The following URB2 variants were observed in gnomAD, a reference collection of about 807,000 sequenced individuals.
The protein encoded by URB2 is URB2 ribosome biogenesis homolog.
URB2 carries 86 observed loss-of-function variants against 120.9 expected under a neutral mutation model. That is an observed-to-expected ratio of 0.71 (90% confidence interval 0.60 to 0.85). URB2 has a LOEUF of 0.85. Among genes scored for constraint, URB2 ranks in the 40% least tolerant of loss-of-function variants. The pLI is 0.00. For synonymous variants in URB2, 755 were observed against 758.4 expected (o/e 1.00, Z 0.07); for missense variants, 1,765 against 1,836.5 (o/e 0.96, Z 0.71).
At chr1:229,644,463 T>G (rs1240176083) in intron 5 of URB2, among the ~76,000 whole-genome samples, 2 of 152,170 alleles carry the variant, frequency 1.3e-5, no homozygotes, top group South Asian at 2.1e-4. Context: ...ACTCCAGCTG[T>G]GCACTGAAGA....
rs370534738 is a variant in URB2 at position 229,636,769 on chromosome 1, C to T, written c.2156C>T (p.Thr719Met). 80 of 1,611,900 alleles carry T rather than the reference C, an allele frequency of 5.0e-5. No homozygotes were observed. The East Asian group carries it at 1.0e-3, about 21-fold the overall frequency. ...GSGRKSLNQR[T>M]TASWDGQVGM... is the part of the protein sequence containing the mutation. ...GGCAGAAAAAGCTTGAATCAGAGAA[C>T]GACGGCTTCCTGGGATGGCCAAGTT... Residue 719 changes from threonine to methionine, a missense_variant, in exon 4 of 10, where the codon ACG becomes ATG. Transcript: ENST00000258243.
chr1:229,643,987 A>G (rs1430227688), intron 5 of URB2, among the ~76,000 whole-genome samples: 1 of 152,258 alleles, frequency 6.6e-6, no homozygotes, highest in Non-Finnish European at 1.5e-5. Context: ...AAAAAGTTAA[A>G]TTCTGCTCAT....
Position 229,635,970 on chromosome 1 carries a change from A to C in URB2, c.1357A>C (p.Ile453Leu), listed in dbSNP as rs989244915. 1.9e-6 allele frequency: 3 copies of C among 1,614,104 alleles called. No individual in the cohort carries two copies. The highest frequency in any genetic ancestry group is 2.5e-6 in the Non-Finnish European group (3 of 1,180,044). Residue 453 changes from isoleucine (I) to leucine (L), a missense_variant, in exon 4 of 10, where the codon ATT (isoleucine) becomes CTT (leucine). By Grantham distance (5) the Ile-to-Leu change is conservative (BLOSUM62 2). Transcript: ENST00000258243. ...FRTKKAQEAL[I>L]RTVFQTYAKL... ...AACCAAAAAAGCCCAGGAGGCGCTTATTCGTACTGTCTTCCAGACTTATGC... is the reference window on the plus strand; with the variant it reads ...AACCAAAAAAGCCCAGGAGGCGCTTCTTCGTACTGTCTTCCAGACTTATGC...
In URB2 at chr1:229,645,956, T is replaced by G; in HGVS notation, c.3893T>G (p.Val1298Gly). 6.2e-7 allele frequency: 1 copy of G among 1,614,154 alleles called. No individual in the cohort carries two copies. Among genetic ancestry groups the G allele is most frequent in the Non-Finnish European group, 8.5e-7 (1 of 1,179,998 alleles). ...SLLWRACPQI[V>G]TALTLLNREA... is the part of the protein sequence containing the mutation. ...TTGTGGCGTGCGTGTCCCCAGATAGTCACAGCTTTAACAGTGAGTACCCTC... is the reference window on the plus strand; with the variant it reads ...TTGTGGCGTGCGTGTCCCCAGATAGGCACAGCTTTAACAGTGAGTACCCTC... Residue 1298 changes from valine to glycine, a missense_variant, in exon 6 of 10, where the codon GTC becomes GGC. Coordinates refer to ENST00000258243, the MANE Select transcript of URB2 (RefSeq NM_014777.4).
At chr1:229,640,810 A>G (rs1471217571) in intron 4 of URB2, among the ~76,000 whole-genome samples, 2 of 152,048 alleles carry the variant, frequency 1.3e-5, no homozygotes, top group African/African-American at 4.8e-5. Context: ...TTATTGTGTT[A>G]GGGTCTCTTT....
At position 229,636,527 on chromosome 1, in the gene URB2, T is replaced by C. The variant is rs1487298654; in HGVS notation, c.1914T>C (p.Ala638=). 4 of 1,614,112 alleles carry C rather than the reference T, an allele frequency of 2.5e-6. No homozygotes were observed. The highest frequency in any genetic ancestry group is 1.3e-5 in the African/African-American group (1 of 74,940). Residue 638 remains alanine (A), a synonymous_variant, in exon 4 of 10, where the codon GCT becomes GCC. Coordinates refer to ENST00000258243, the MANE Select transcript of URB2 (RefSeq NM_014777.4). ...HSMSGPLIGV[A]LEISNLPSLL... Reference sequence around the variant, plus strand: ...TGTCTGGGCCCCTTATAGGTGTTGCTCTGGAGATCTCGAACCTCCCTTCGT... The same window carrying C: ...TGTCTGGGCCCCTTATAGGTGTTGCCCTGGAGATCTCGAACCTCCCTTCGT...
chr1:229,637,562 T>C lies in URB2; in HGVS notation c.2949T>C (p.Ser983=). 2 of 1,614,224 alleles carry C rather than the reference T, an allele frequency of 1.2e-6. No homozygotes were observed. The highest frequency in any genetic ancestry group is 8.5e-7 in the Non-Finnish European group (1 of 1,180,032). The change falls in exon 4 of 10, where the codon AGT becomes AGC. Residue 983 remains serine, a synonymous_variant. Transcript: ENST00000258243. ...TGACCTCATTGTTCAGAGCTAGTAG[T>C]AGGTTCCTTATTGAGATGGATGATC... ...VVLTSLFRAS[S]RFLIEMDDPA... is the part of the protein sequence containing the mutation.
At chr1:229,632,587 T>A in intron 3 of URB2, 142 bp downstream of exon 3, 2 of 655,124 alleles carry the variant, frequency 3.1e-6, no homozygotes, top group Non-Finnish European at 4.6e-6. Flanking sequence ...TTATTGGAAT[T>A]AAAATAGTAA....
At chr1:229,652,488 G>A (rs768080563) in intron 8 of URB2, among the ~76,000 whole-genome samples, 1 of 152,258 alleles carries the variant, frequency 6.6e-6, no homozygotes, top group Non-Finnish European at 1.5e-5. Context: ...AAGGAAAAGG[G>A]CATTGTTAAG....
chr1:229,654,527 C>T, intron 9 of URB2, 139 bp downstream of exon 9: 1 of 1,272,550 alleles, frequency 7.9e-7, no homozygotes, highest in Non-Finnish European at 1.1e-6. Context: ...GGGTTTTGCT[C>T]TCTCACTCAG....
chr1:229,651,758 A>C (rs1225006032), intron 8 of URB2, among the ~76,000 whole-genome samples: 1 of 152,220 alleles, frequency 6.6e-6, no homozygotes, highest in Non-Finnish European at 1.5e-5. Flanking sequence ...CACCTTGGCA[A>C]GGGTGTGTTT....
At position 229,635,369 on chromosome 1, in the gene URB2, A is replaced by G; in HGVS notation, c.756A>G (p.Ser252=). ...GGATTTTTCAGCCTGAGCTACTGTC[A>G]TCCTACAAGGAGGGGCTCTTGGACC... ...RGGIFQPELL[S]SYKEGLLDQQ... The change falls in exon 4 of 10, where the codon TCA becomes TCG. Residue 252 remains serine (S), a synonymous_variant. Transcript: ENST00000258243. 2 of 1,614,142 alleles carry G rather than the reference A, an allele frequency of 1.2e-6. No homozygotes were observed. The highest frequency in any genetic ancestry group is 1.1e-5 in the South Asian group (1 of 91,082).
At chr1:229,656,865 C>T (rs1420544397) in intron 9 of URB2, among the ~76,000 whole-genome samples, 1 of 152,148 alleles carries the variant, frequency 6.6e-6, no homozygotes, top group East Asian at 1.9e-4. Context: ...TTACAATGTC[C>T]CTCTACAGAT....
At chr1:229,645,798 G>A in intron 5 of URB2, 61 bp from the exon 6 acceptor site, 2 of 1,399,400 alleles carry the variant, frequency 1.4e-6, no homozygotes, top group East Asian at 2.3e-5. Context: ...TCTTCCCCAG[G>A]CGGAGTTCTT....
At chr1:229,646,040 T>A in intron 6 of URB2, 71 bp downstream of exon 6, 1 of 1,446,272 alleles carries the variant, frequency 6.9e-7, no homozygotes, top group Non-Finnish European at 9.7e-7. Flanking sequence ...AAGTCAGCCT[T>A]TTGGGGTCTG....
Position 229,637,928 on chromosome 1 carries a change from G to C in URB2, c.3315G>C (p.Pro1105=), listed in dbSNP as rs762912459. 1.2e-6 allele frequency: 2 copies of C among 1,611,380 alleles called. No individual in the cohort carries two copies. The highest frequency in any genetic ancestry group is 1.3e-5 in the African/African-American group (1 of 74,960). Residue 1105 remains proline, a synonymous_variant, in exon 4 of 10, where the codon CCG becomes CCC. Transcript: ENST00000258243. ...CTGTGCTGCAGCTCTGCTCAGTGCC[G>C]GGGGCCCGGGGCTGGCGCCTTCCCT... ...TGAVLQLCSV[P]GARGWRLPSV... is the part of the protein sequence containing the mutation.
At chr1:229,654,902 G>A (rs1036387680) in intron 9 of URB2, among the ~76,000 whole-genome samples, 11 of 152,126 alleles carry the variant, frequency 7.2e-5, no homozygotes, top group African/African-American at 2.4e-4. Context: ...ACAAACTTCG[G>A]GGTCTATTTG....
At chr1:229,646,019 TG>T (rs1666140604) in intron 6 of URB2, 50 bp downstream of exon 6, 2 of 1,563,772 alleles carry the variant, frequency 1.3e-6, no homozygotes, top group African/African-American at 2.7e-5. Context: ...TCCCTCTTCC[TG>T]TAAAGACAGA....
intron 7 of URB2, among the ~76,000 whole-genome samples, chr1:229,649,030 A>G (rs1308988989): frequency 6.6e-6 from 1 of 152,224 alleles, no homozygotes; most frequent in Non-Finnish European, 1.5e-5. Flanking sequence ...GTATTTGTGC[A>G]TTTAAACAGA....
Sources: allele counts gnomAD v4.1 joint callset (sites outside exome capture counted in the v4.1 genomes callset), GRCh38; gene constraint gnomAD v4.1.1; transcripts MANE v1.5; gene names NCBI Gene and HGNC (gene_info 2026-07-23, HGNC 2026-07-21).